The following TP53AIP1 variants were observed in gnomAD, a reference collection of about 807,000 sequenced individuals.
TP53AIP1 encodes the protein tumor protein p53 regulated apoptosis inducing protein 1.
TP53AIP1 carries 14 observed loss-of-function variants against 9.5 expected under a neutral mutation model. The observed-to-expected ratio is 1.47, with a 90% CI of 0.97 to 2.30. The LOEUF (loss-of-function observed/expected upper bound fraction) is 2.30. TP53AIP1 is among the 30% of genes most tolerant of loss of function. The pLI is 0.00. For missense variants in TP53AIP1, 153 were observed against 146.7 expected (o/e 1.04, Z -0.22); for synonymous variants, 73 against 61.2 (o/e 1.19, Z -0.90).
chr11:128,939,839 GTTTGTTAGAAAGCAGC>G lies in TP53AIP1; in HGVS notation c.-76-1961_-76-1946del, dbSNP rs1352328365. Among the ~76,000 whole-genome samples the G allele has an allele frequency of 6.6e-6, 1 of 152,224 alleles. No individual in the cohort carries two copies. The highest frequency in any genetic ancestry group is 1.5e-5 in the Non-Finnish European group (1 of 68,042). On this transcript the variant is annotated intron_variant, in intron 1 of 3. Transcript: ENST00000531399. The surrounding 1 kb of genome is among the most constrained non-coding windows in gnomAD (Gnocchi z 4.1). ...CATACTCTGGCTTTAAAATCAAAGT[GTTTGTTAGAAAGCAGC>G]TTTGTTTTCCTTCTATTTCCTGTTT... is the stretch of plus-strand genomic sequence containing the variant.
downstream of TP53AIP1, chr11:128,935,030 C>A (rs541426167): frequency 3.1e-5 from 22 of 703,244 alleles, no homozygotes; most frequent in African/African-American, 7.0e-5. Context: ...ACAGGCCAGG[C>A]AAGCTCTTAC....
chr11:128,935,173 G>T, downstream of TP53AIP1: 1 of 1,009,172 alleles, frequency 9.9e-7, no homozygotes, highest in Non-Finnish European at 1.5e-6. Flanking sequence ...GTTGGCATCA[G>T]CAGCATCTGC....
Position 128,935,510 on chromosome 11 carries a change from T to TTTTG in TP53AIP1, c.*80_*81insCAAA, listed in dbSNP as rs1555049408. On this transcript the variant is annotated 3_prime_UTR_variant, in exon 4 of 4. Coordinates refer to ENST00000531399, the MANE Select transcript of TP53AIP1 (RefSeq NM_022112.3). ...GCTGGAGCCATTTCTCGACGGTGCT[T>TTTTG]TCTGTTTGTTTGTTTGTTTTTGTTT... The TTTTG allele has an allele frequency of 6.5e-6, 9 of 1,390,546 alleles. No homozygotes were observed. In the South Asian group the frequency reaches 8.6e-5, roughly 13 times the overall value. 86.1% of individuals were successfully genotyped at this position (1,390,546 alleles called of 1,614,324 possible).
In TP53AIP1 at chr11:128,939,172, G is replaced by T. The variant is rs1168213049; in HGVS notation, c.-76-1278C>A. Among the ~76,000 whole-genome samples the T allele has an allele frequency of 6.6e-6, 1 of 152,172 alleles. No individual in the cohort carries two copies. Among genetic ancestry groups the T allele is most frequent in the Non-Finnish European group, 1.5e-5 (1 of 68,036 alleles). ...AGAACGAACACGGCTTCAATACCAG[G>T]ATTGAGCCCAAAGGTCACGTTCTTT... is the stretch of plus-strand genomic sequence containing the variant. On this transcript the variant is annotated intron_variant, in intron 1 of 3. Transcript: ENST00000531399. The surrounding 1 kb of genome is among the most constrained non-coding windows in gnomAD (Gnocchi z 4.1).
chr11:128,937,115 G>C lies in TP53AIP1; in HGVS notation c.142-466C>G. 1 of 1,058,992 alleles carries C rather than the reference G, an allele frequency of 9.4e-7. No homozygotes were observed. The highest frequency in any genetic ancestry group is 1.1e-6 in the Non-Finnish European group (1 of 876,890). 65.6% of individuals were successfully genotyped at this position (1,058,992 alleles called of 1,614,324 possible). A position where few individuals can be genotyped will look rare whatever the true frequency, so the allele number is the denominator to read the frequency against. On this transcript the variant is annotated intron_variant, in intron 2 of 3. Transcript: ENST00000531399. The surrounding 1 kb of genome is among the most constrained non-coding windows in gnomAD (Gnocchi z 4.8). The stretch of plus-strand genomic sequence containing the variant: ...AGCCATGCGCTGCCTGTGCTGGGAT[G>C]AATGCATGGCCCCTGCATCCTTACC...
In TP53AIP1 at chr11:128,937,097, C is replaced by T. The variant is rs532919657; in HGVS notation, c.142-448G>A. On this transcript the variant is annotated intron_variant, in intron 2 of 3. Coordinates refer to ENST00000531399, the MANE Select transcript of TP53AIP1 (RefSeq NM_022112.3). The surrounding 1 kb of genome is among the most constrained non-coding windows in gnomAD (Gnocchi z 4.8). ...GCCTGTGTCTGCTTCCGGAGCCATG[C>T]GCTGCCTGTGCTGGGATGAATGCAT... The T allele has an allele frequency of 1.3e-5, 14 of 1,047,236 alleles. No homozygotes were observed. In the African/African-American group the frequency reaches 1.4e-4, roughly 10 times the overall value. The allele number at this position is 1,047,236 out of a possible 1,614,324, so 64.9% of individuals were successfully genotyped here.
intron 1 of TP53AIP1, among the ~76,000 whole-genome samples, chr11:128,942,292 A>T (rs1035344326): frequency 2.6e-5 from 4 of 152,068 alleles, no homozygotes; most frequent in Non-Finnish European, 4.4e-5. Context: ...GCCTCCATAC[A>T]GGCTTCCCTA....
In TP53AIP1 at chr11:128,942,211, C is replaced by T. The variant is rs550409064; in HGVS notation, c.-77+583G>A. 3.9e-5 allele frequency among the ~76,000 whole-genome samples: 6 copies of T among 152,286 alleles called. No homozygotes were observed. The South Asian group carries it at 1.2e-3, about 32-fold the overall frequency. ...CTGGTGAACCCTGCCATGACATGCC[C>T]GCTGTGCCCAGGACCCAGGCTCCCA... is the stretch of plus-strand genomic sequence containing the variant. On this transcript the variant is annotated intron_variant, in intron 1 of 3. Transcript: ENST00000531399.
In TP53AIP1 at chr11:128,937,087, C is replaced by T. The variant is rs886549360; in HGVS notation, c.142-438G>A. ...CCCAGGCCTGGCCTGTGTCTGCTTC[C>T]GGAGCCATGCGCTGCCTGTGCTGGG... On this transcript the variant is annotated intron_variant, in intron 2 of 3. Transcript: ENST00000531399. This position sits in a 1 kb window ranked among gnomAD's most constrained non-coding sequence, Gnocchi z 4.8. The T allele has an allele frequency of 1.3e-5, 14 of 1,043,102 alleles. No homozygotes were observed. Among genetic ancestry groups the T allele is most frequent in the African/African-American group, 5.1e-5 (3 of 59,076 alleles). The allele number at this position is 1,043,102 out of a possible 1,614,324, so 64.6% of individuals were successfully genotyped here.
intron 3 of TP53AIP1, chr11:128,936,238 G>A (rs1944821016): frequency 1.8e-6 from 2 of 1,127,472 alleles, no homozygotes; most frequent in Non-Finnish European, 2.2e-6. Context: ...TTCCAAATCT[G>A]TCCTATTGTC....
chr11:128,940,062 A>G (rs927493842), intron 1 of TP53AIP1, among the ~76,000 whole-genome samples: 1 of 152,152 alleles, frequency 6.6e-6, no homozygotes, highest in African/African-American at 2.4e-5. Flanking sequence ...AGTGCCCTCA[A>G]CACAGGGCCC....
intron 1 of TP53AIP1, among the ~76,000 whole-genome samples, chr11:128,940,880 C>T (rs1026334936): frequency 2.0e-5 from 3 of 152,192 alleles, no homozygotes; most frequent in South Asian, 2.1e-4. Flanking sequence ...TCAGCTTCAG[C>T]GCCGCCAGCA....
Position 128,939,131 on chromosome 11 carries a change from G to A in TP53AIP1, c.-76-1237C>T, listed in dbSNP as rs562405923. Among the ~76,000 whole-genome samples, 16 of 152,300 alleles carry A rather than the reference G, an allele frequency of 1.1e-4. No homozygotes were observed. Among genetic ancestry groups the A allele is most frequent in the South Asian group, 2.1e-4 (1 of 4,824 alleles). On this transcript the variant is annotated intron_variant, in intron 1 of 3. Coordinates refer to ENST00000531399, the MANE Select transcript of TP53AIP1 (RefSeq NM_022112.3). This position sits in a 1 kb window ranked among gnomAD's most constrained non-coding sequence, Gnocchi z 4.1. ...AGAAGGCATTTACCCAATGCTGCAC[G>A]TTACGAAAATGTAAAAGAACGAACA...
intron 3 of TP53AIP1, chr11:128,935,915 C>T (rs753625355): frequency 3.5e-5 from 46 of 1,297,680 alleles, no homozygotes; most frequent in East Asian, 2.6e-4. Flanking sequence ...ATCAAATGGG[C>T]CAACAAAAAT....
Position 128,937,765 on chromosome 11 carries a change from C to T in TP53AIP1, c.54G>A (p.Gly18=). The T allele has an allele frequency of 1.2e-6, 2 of 1,613,964 alleles. No homozygotes were observed. The highest frequency in any genetic ancestry group is 2.2e-5 in the East Asian group (1 of 44,860). Residue 18 remains glycine, a synonymous_variant, in exon 2 of 4, where the codon GGG becomes GGA. Coordinates refer to ENST00000531399, the MANE Select transcript of TP53AIP1 (RefSeq NM_022112.3). The surrounding 1 kb of genome is among the most constrained non-coding windows in gnomAD (Gnocchi z 4.8). ...SFRSAQASCS[G]ARRQGLGRGD... ...CCCTGCCCAGGCCCTGCCTCCTGGC[C>T]CCACTGCAGGAAGCTTGAGCAGATC...
At chr11:128,936,736 A>T (rs1173146404) in intron 2 of TP53AIP1, 87 bp from the exon 3 acceptor site, 1 of 1,477,886 alleles carries the variant, frequency 6.8e-7, no homozygotes, top group Non-Finnish European at 8.9e-7. Flanking sequence ...TCCCCTAGGT[A>T]TTCATGGCAT....
downstream of TP53AIP1, chr11:128,935,144 G>T (rs562248995): frequency 1.5e-5 from 12 of 783,020 alleles, no homozygotes; most frequent in Non-Finnish European, 2.6e-5. Context: ...GACACCCAGC[G>T]GGGGCCCGGG....
At position 128,935,386 on chromosome 11, in the gene TP53AIP1, A is replaced by G; in HGVS notation, c.*205T>C. 1 of 1,414,746 alleles carries G rather than the reference A, an allele frequency of 7.1e-7. No individual in the cohort carries two copies. Among genetic ancestry groups the G allele is most frequent in the Non-Finnish European group, 9.2e-7 (1 of 1,090,602 alleles). 87.6% of individuals were successfully genotyped at this position (1,414,746 alleles called of 1,614,324 possible). ...TCACAAGAATTTTTTTCCAGCTTTT[A>G]TTTCAGATTTGGGGATACAGAAGGA... On this transcript the variant is annotated 3_prime_UTR_variant, in exon 4 of 4. Coordinates refer to ENST00000531399, the MANE Select transcript of TP53AIP1 (RefSeq NM_022112.3).
rs192087996 is a variant in TP53AIP1 at position 128,939,358 on chromosome 11, G to A, written c.-76-1464C>T. ...TCCTGCGGCCCATTGCTCACTCCCC[G>A]CAGAGGCAGGGGCAGCTGACTGCTG... On this transcript the variant is annotated intron_variant, in intron 1 of 3. Coordinates refer to ENST00000531399, the MANE Select transcript of TP53AIP1 (RefSeq NM_022112.3). This position sits in a 1 kb window ranked among gnomAD's most constrained non-coding sequence, Gnocchi z 4.1. Among the ~76,000 whole-genome samples the A allele has an allele frequency of 3.8e-4, 58 of 152,262 alleles. No individual in the cohort carries two copies. In the East Asian group the frequency reaches 5.8e-3, roughly 15 times the overall value.
Sources: gnomAD v4.1 joint callset for allele counts (sites outside exome capture counted in the v4.1 genomes callset) on GRCh38, gnomAD v4.1.1 for gene constraint, Gnocchi (gnomAD v3.1) non-coding constraint, MANE v1.5 for transcripts, NCBI Gene and HGNC (gene_info 2026-07-23, HGNC 2026-07-21) for gene names.